ELOVL6: variants seen among roughly 807,000 people sequenced by gnomAD.
The protein encoded by ELOVL6 is very long chain fatty acid elongase 6.
In ELOVL6, 8 loss-of-function variants were observed where a neutral mutation model predicts 31.7. The ratio of observed to expected loss-of-function variants is 0.25; its 90% CI spans 0.15 to 0.45. The LOEUF (loss-of-function observed/expected upper bound fraction) is 0.45, where lower values mean the gene tolerates loss of function less well. ELOVL6 is among the 20% of genes least tolerant of loss of function. The pLI, the probability that ELOVL6 is intolerant of heterozygous loss-of-function variation, is 1.00. For synonymous variants in ELOVL6, 101 were observed against 117.7 expected, an observed-to-expected ratio of 0.86 and a Z score of 0.92; for missense variants, 126 against 326.4, an observed-to-expected ratio of 0.39 and a Z score of 4.73.
chr4:110,059,507 A>C, intron 3 of ELOVL6, 96 bp downstream of exon 3: 2 of 1,360,400 alleles, frequency 1.5e-6, no homozygotes, highest in South Asian at 1.6e-5. Flanking sequence ...TGCAACCAAC[A>C]AAATAGGACC....
chr4:110,130,452 T>C (rs1440072143), intron 1 of ELOVL6, among the ~76,000 whole-genome samples: 2 of 152,168 alleles, frequency 1.3e-5, no homozygotes. Flanking sequence ...CAAAAAGCTG[T>C]CCTATACTTC....
chr4:110,060,770 CA>C (rs1386963614), intron 2 of ELOVL6, among the ~76,000 whole-genome samples: 3 of 152,116 alleles, frequency 2.0e-5, no homozygotes, highest in Non-Finnish European at 4.4e-5. Flanking sequence ...CTTTTCTGCC[CA>C]AAAGGGCAGC....
chr4:110,108,104 T>A (rs1756934557), intron 1 of ELOVL6, among the ~76,000 whole-genome samples: 1 of 152,166 alleles, frequency 6.6e-6, no homozygotes. Flanking sequence ...AAGAAGAATT[T>A]CCCATCTTCA....
intron 1 of ELOVL6, among the ~76,000 whole-genome samples, chr4:110,178,290 A>G (rs551957950): frequency 1.3e-5 from 2 of 152,320 alleles, no homozygotes; most frequent in African/African-American, 4.8e-5. Flanking sequence ...GCTCACGACT[A>G]TAATTCCAGC....
chr4:110,121,965 G>C (rs10001299), intron 1 of ELOVL6, among the ~76,000 whole-genome samples: 3,601 of 152,186 alleles, frequency 0.024, 147 homozygotes, highest in African/African-American at 0.082. Context: ...TTTCCATCTA[G>C]TGTTTGCCTA....
intron 1 of ELOVL6, among the ~76,000 whole-genome samples, chr4:110,149,442 T>C (rs1376982921): frequency 1.3e-5 from 2 of 152,194 alleles, no homozygotes; most frequent in Non-Finnish European, 2.9e-5. Flanking sequence ...TGAATACTAC[T>C]CAGTCATAAA....
chr4:110,194,096 C>T (rs1759706073), intron 1 of ELOVL6, among the ~76,000 whole-genome samples: 1 of 152,204 alleles, frequency 6.6e-6, no homozygotes, highest in Admixed American at 6.5e-5. Context: ...AGCCCAGCTT[C>T]CCTTCTCACT....
At chr4:110,084,604 T>A (rs1578469076) in intron 2 of ELOVL6, among the ~76,000 whole-genome samples, 2 of 92,156 alleles carry the variant, frequency 2.2e-5, no homozygotes, top group East Asian at 3.7e-4. Flanking sequence ...TTTTTTTTTT[T>A]TTTTTTTTGA....
At chr4:110,169,237 T>G (rs12651225) in intron 1 of ELOVL6, among the ~76,000 whole-genome samples, 1 of 117,218 alleles carries the variant, frequency 8.5e-6, no homozygotes, top group Non-Finnish European at 1.9e-5. Context: ...TGGGGTTTTT[T>G]GTTTTGTTTT....
chr4:110,108,939 T>C (rs1756957451), intron 1 of ELOVL6, among the ~76,000 whole-genome samples: 2 of 152,246 alleles, frequency 1.3e-5, no homozygotes, highest in African/African-American at 4.8e-5. Flanking sequence ...TTTAACTGAG[T>C]TGTCATTTAT....
intron 1 of ELOVL6, among the ~76,000 whole-genome samples, chr4:110,160,580 G>A (rs1758604615): frequency 6.6e-6 from 1 of 152,176 alleles, no homozygotes; most frequent in Non-Finnish European, 1.5e-5. Context: ...GTCTCATGGT[G>A]GTTAAGCTTC....
chr4:110,086,792 A>T (rs1578470847), intron 2 of ELOVL6, among the ~76,000 whole-genome samples: 2 of 152,218 alleles, frequency 1.3e-5, no homozygotes, highest in East Asian at 3.8e-4. Flanking sequence ...GTTTTAAAAC[A>T]CAACATTAGA....
intron 1 of ELOVL6, among the ~76,000 whole-genome samples, chr4:110,129,918 G>A (rs1168559777): frequency 1.5e-5 from 1 of 66,060 alleles, no homozygotes; most frequent in Non-Finnish European, 2.6e-5. Flanking sequence ...TTTTTTTGGT[G>A]AGACAGAGTG....
intron 2 of ELOVL6, among the ~76,000 whole-genome samples, chr4:110,099,011 G>A (rs1756669227): frequency 6.6e-6 from 1 of 151,974 alleles, no homozygotes; most frequent in Non-Finnish European, 1.5e-5. Flanking sequence ...TCTAAAATTT[G>A]TCATTTTCAT....
At position 110,090,604 on chromosome 4, in the gene ELOVL6, T is replaced by TTTGTTTTTTTTTTTTTG. The variant is rs1367024794; in HGVS notation, c.221+14892_221+14893insCAAAAAAAAAAAAACAA. ...CTTACAGGAAAGTTTGACTTTCTTT[T>TTTGTTTTTTTTTTTTTG]TTTTTTTTTTTTTTTTCATGAGACG... On this transcript the variant is annotated intron_variant, in intron 2 of 3. Coordinates refer to ENST00000302274, the MANE Select transcript of ELOVL6 (RefSeq NM_024090.3). 1.1e-3 allele frequency among the ~76,000 whole-genome samples: 158 copies of TTTGTTTTTTTTTTTTTG among 139,618 alleles called. 3 individuals carry two copies. In the South Asian group the frequency reaches 0.034, roughly 30 times the overall value. 91.6% of individuals were successfully genotyped at this position (139,618 alleles called of 152,430 possible).
intron 2 of ELOVL6, among the ~76,000 whole-genome samples, chr4:110,091,659 A>G (rs1176980199): frequency 6.6e-6 from 1 of 152,202 alleles, no homozygotes; most frequent in African/African-American, 2.4e-5. Flanking sequence ...TTTCTGCTCC[A>G]GTTCCGGGTT....
intron 1 of ELOVL6, among the ~76,000 whole-genome samples, chr4:110,166,003 CCT>C (rs1234629860): frequency 1.3e-5 from 2 of 152,266 alleles, no homozygotes; most frequent in East Asian, 1.9e-4. Flanking sequence ...ACATCTGCCT[CCT>C]CTGTCAGTGA....
At chr4:110,094,173 C>T (rs1327437905) in intron 2 of ELOVL6, among the ~76,000 whole-genome samples, 1 of 149,886 alleles carries the variant, frequency 6.7e-6, no homozygotes, top group Non-Finnish European at 1.5e-5. Flanking sequence ...TGCTTGAACC[C>T]AGGAGGTGGA....
chr4:110,172,158 C>T (rs989281206), intron 1 of ELOVL6, among the ~76,000 whole-genome samples: 5 of 152,074 alleles, frequency 3.3e-5, no homozygotes, highest in African/African-American at 1.2e-4. Context: ...AGCAGGTAGT[C>T]TTGGGGATTG....
Sources: allele counts gnomAD v4.1 joint callset (sites outside exome capture counted in the v4.1 genomes callset), GRCh38; gene constraint gnomAD v4.1.1; transcripts MANE v1.5; gene names NCBI Gene and HGNC (gene_info 2026-07-23, HGNC 2026-07-21).